FHIP2A: variants seen among roughly 807,000 people sequenced by gnomAD.
FHIP2A encodes the protein FHF complex subunit HOOK interacting protein 2A, also known as family with sequence similarity 160 member B1.
FHIP2A carries 46 observed loss-of-function variants against 93.5 expected under a neutral mutation model. The ratio of observed to expected loss-of-function variants is 0.49; its 90% confidence interval spans 0.39 to 0.63. The LOEUF (loss-of-function observed/expected upper bound fraction) is 0.63. FHIP2A is among the 20% of genes least tolerant of loss of function. The pLI, the probability that FHIP2A is intolerant of heterozygous loss-of-function variation, is 0.00. For synonymous variants in FHIP2A, 332 were observed against 326.5 expected (o/e 1.02, Z -0.18); for missense variants, 769 against 909.7 (o/e 0.85, Z 1.99).
chr10:114,892,552 C>G (rs1213426251), intron 16 of FHIP2A, among the ~76,000 whole-genome samples: 1 of 152,032 alleles, frequency 6.6e-6, no homozygotes, highest in African/African-American at 2.4e-5. Context: ...GCAGGAGAAT[C>G]GCCTGAACCC....
At chr10:114,889,990 G>T (rs2083962561) in intron 16 of FHIP2A, among the ~76,000 whole-genome samples, 1 of 152,156 alleles carries the variant, frequency 6.6e-6, no homozygotes, top group African/African-American at 2.4e-5. Flanking sequence ...CCTGGAGGCT[G>T]TCTGTACTTT....
intron 16 of FHIP2A, among the ~76,000 whole-genome samples, chr10:114,891,628 T>TG (rs2083975527): frequency 6.6e-6 from 1 of 151,432 alleles, no homozygotes; most frequent in Non-Finnish European, 1.5e-5. Context: ...TACATATTTT[T>TG]TTTTTTGAGG....
chr10:114,898,723 C>T (rs560475119), intron 16 of FHIP2A, among the ~76,000 whole-genome samples: 1 of 152,082 alleles, frequency 6.6e-6, no homozygotes, highest in South Asian at 2.1e-4. Flanking sequence ...TGATTGCAGC[C>T]TGACTGATAC....
At chr10:114,895,996 C>G (rs143215113) in intron 16 of FHIP2A, among the ~76,000 whole-genome samples, 175 of 152,250 alleles carry the variant, frequency 1.1e-3, no homozygotes, top group African/African-American at 4.1e-3. Context: ...CTGCGGCTTC[C>G]TGAGAGATGC....
At chr10:114,889,399 C>G (rs890191522) in intron 16 of FHIP2A, among the ~76,000 whole-genome samples, 1 of 152,172 alleles carries the variant, frequency 6.6e-6, no homozygotes, top group Non-Finnish European at 1.5e-5. Context: ...GAGACAGGCA[C>G]TCTCTCTCCC....
chr10:114,859,667 G>A (rs2083786377), intron 14 of FHIP2A, among the ~76,000 whole-genome samples: 1 of 152,214 alleles, frequency 6.6e-6, no homozygotes, highest in Admixed American at 6.5e-5. Flanking sequence ...TCCTTGTGTA[G>A]TGTGCCTTTT....
intron 16 of FHIP2A, among the ~76,000 whole-genome samples, chr10:114,887,347 T>C (rs972739337): frequency 6.6e-6 from 1 of 152,264 alleles, no homozygotes; most frequent in African/African-American, 2.4e-5. Flanking sequence ...TATAATTTCA[T>C]TAACAATAAG....
chr10:114,898,021 G>A (rs2084009311), intron 16 of FHIP2A, among the ~76,000 whole-genome samples: 1 of 152,194 alleles, frequency 6.6e-6, no homozygotes, highest in Admixed American at 6.5e-5. Context: ...ACAAAGGGAA[G>A]CTGTATTATG....
intron 16 of FHIP2A, among the ~76,000 whole-genome samples, chr10:114,889,021 C>T (rs1390795005): frequency 1.3e-5 from 2 of 151,816 alleles, no homozygotes; most frequent in Non-Finnish European, 2.9e-5. Context: ...ATATTGCTTA[C>T]CAAAAGTTCT....
At chr10:114,864,842 T>G, downstream of FHIP2A, 6 of 224,502 alleles carry the variant, frequency 2.7e-5, no homozygotes, top group Non-Finnish European at 3.0e-5. Flanking sequence ...AGTGGGTCTC[T>G]ATAGTATTCT....
At position 114,835,651 on chromosome 10, in the gene FHIP2A, TC is replaced by T; in HGVS notation, c.399+15del. 7.0e-7 allele frequency: 1 copy of T among 1,423,146 alleles called. No homozygotes were observed. The highest frequency in any genetic ancestry group is 9.6e-7 in the Non-Finnish European group (1 of 1,038,858). The allele number at this position is 1,423,146 out of a possible 1,614,324, so 88.2% of individuals were successfully genotyped here. The stretch of plus-strand genomic sequence containing the variant: ...GCACAGGCCAGTGCAGGTATTTTGT[TC>T]CCCCTACATAAAATCATTTTGTTTG... On this transcript the variant is annotated intron_variant, in intron 4 of 16. Coordinates refer to ENST00000369248, the MANE Select transcript of FHIP2A (RefSeq NM_020940.4).
intron 8 of FHIP2A, among the ~76,000 whole-genome samples, chr10:114,845,694 C>G (rs993138984): frequency 6.6e-6 from 1 of 152,030 alleles, no homozygotes; most frequent in Non-Finnish European, 1.5e-5. Flanking sequence ...TTTATATTTC[C>G]TTAAATATTA....
chr10:114,891,058 G>A (rs1004409529), intron 16 of FHIP2A, among the ~76,000 whole-genome samples: 1 of 151,536 alleles, frequency 6.6e-6, no homozygotes, highest in African/African-American at 2.4e-5. Context: ...GCTGGGCATG[G>A]TGGTGCCACT....
chr10:114,867,066 A>T (rs562447770), downstream of FHIP2A, among the ~76,000 whole-genome samples: 1 of 152,034 alleles, frequency 6.6e-6, no homozygotes, highest in African/African-American at 2.4e-5. Flanking sequence ...AAACTTAGCC[A>T]GGCATGGTGG....
intron 16 of FHIP2A, among the ~76,000 whole-genome samples, chr10:114,890,353 T>G (rs1307456099): frequency 1.3e-5 from 2 of 151,866 alleles, no homozygotes; most frequent in African/African-American, 4.8e-5. Flanking sequence ...TTGAAATTAC[T>G]TGTGGAGTTT....
At chr10:114,854,138 T>G (rs929171770) in intron 13 of FHIP2A, among the ~76,000 whole-genome samples, 3 of 132,236 alleles carry the variant, frequency 2.3e-5, no homozygotes, top group Admixed American at 7.4e-5. Flanking sequence ...AAGACCAGGG[T>G]TTTTTTTTTT....
At chr10:114,897,831 C>A (rs1047551877) in intron 16 of FHIP2A, among the ~76,000 whole-genome samples, 3 of 152,152 alleles carry the variant, frequency 2.0e-5, no homozygotes, top group African/African-American at 4.8e-5. Context: ...ATTGATTGAG[C>A]CTGGGAGGTC....
chr10:114,890,932 T>C (rs7089927), intron 16 of FHIP2A, among the ~76,000 whole-genome samples: 91,804 of 151,004 alleles, frequency 0.61, 28,925 homozygotes, highest in African/African-American at 0.77. Context: ...TGGTGGTTCA[T>C]GCCTGTAATC....
intron 13 of FHIP2A, among the ~76,000 whole-genome samples, chr10:114,850,790 A>G (rs939961409): frequency 1.3e-5 from 2 of 152,230 alleles, no homozygotes; most frequent in Non-Finnish European, 2.9e-5. Context: ...CATATTCTGC[A>G]TAGTAGATCC....
Sources: allele counts gnomAD v4.1 joint callset (sites outside exome capture counted in the v4.1 genomes callset), GRCh38; gene constraint gnomAD v4.1.1; transcripts MANE v1.5; gene names NCBI Gene and HGNC (gene_info 2026-07-23, HGNC 2026-07-21).